The following CHM variants were observed in gnomAD, a reference collection of about 807,000 sequenced individuals.
The protein encoded by CHM is CHM Rab escort protein, also known as rab proteins geranylgeranyltransferase component A 1.
Under a neutral mutation model 49.0 loss-of-function variants are expected in CHM, and 10 were observed. The ratio of observed to expected loss-of-function variants is 0.20; its 90% confidence interval spans 0.13 to 0.35. The LOEUF is 0.35. CHM is among the 10% of genes least tolerant of loss of function. The pLI, the probability that CHM is intolerant of heterozygous loss-of-function variation, is 1.00. For synonymous variants in CHM, 184 were observed against 167.5 expected (o/e 1.10, Z -0.76); for missense variants, 455 against 478.4 (o/e 0.95, Z 0.46).
At chrX:85,965,173 ATT>A (rs780252687) in intron 4 of CHM, among the ~76,000 whole-genome samples, 12 of 112,223 alleles carry the variant, frequency 1.1e-4, no homozygotes, top group African/African-American at 3.9e-4. Context: ...GGTTCATATC[ATT>A]TGTTTCTTCT....
Position 86,026,102 on chromosome X carries a change from C to CTTTTTTTTTTTTTTTTTTTTTTT in CHM, c.116+1366_116+1388dup, listed in dbSNP as rs1167691945. Among the ~76,000 whole-genome samples, 8 of 26,761 alleles carry CTTTTTTTTTTTTTTTTTTTTTTT rather than the reference C, an allele frequency of 3.0e-4. 3 individuals carry two copies. The highest frequency in any genetic ancestry group is 1.8e-3 in the East Asian group (1 of 559). The allele number at this position is 26,761 out of a possible 115,157, so 23.2% of individuals were successfully genotyped here. A position where few individuals can be genotyped will look rare whatever the true frequency, so the allele number is the denominator to read the frequency against. On this transcript the variant is annotated intron_variant, in intron 2 of 14. Transcript: ENST00000357749. ...CTGGGCTTTCAAGGTAGCAGATTTTCTTTTTTTTTTTTTTTTTTTTTTTTT... is the reference window on the plus strand; with the variant it reads ...CTGGGCTTTCAAGGTAGCAGATTTTCTTTTTTTTTTTTTTTTTTTTTTTTTTTTTTTTTTTTTTTTTTTTTTTT...
intron 11 of CHM, among the ~76,000 whole-genome samples, chrX:85,899,805 A>G (rs778043101): frequency 9.2e-6 from 1 of 108,874 alleles, no homozygotes; most frequent in South Asian, 4.1e-4. Context: ...TGATTTATAC[A>G]TATTACCATG....
intron 11 of CHM, among the ~76,000 whole-genome samples, chrX:85,897,438 T>C (rs1925969079): frequency 1.1e-5 from 1 of 92,899 alleles, no homozygotes. Flanking sequence ...TGTGTGTGCG[T>C]GTACAAGAGC....
intron 4 of CHM, among the ~76,000 whole-genome samples, chrX:85,965,693 A>G (rs1930545706): frequency 8.9e-6 from 1 of 112,075 alleles, no homozygotes; most frequent in Non-Finnish European, 1.9e-5. Context: ...AAAATAACAC[A>G]ATGAACACTA....
chrX:85,872,575 G>A (rs191982138), intron 14 of CHM, among the ~76,000 whole-genome samples: 168 of 111,558 alleles, frequency 1.5e-3, no homozygotes, highest in African/African-American at 5.0e-3. Context: ...GTAAAACTAC[G>A]CTATAACTTA....
chrX:86,007,028 A>G (rs1031123722), intron 2 of CHM, among the ~76,000 whole-genome samples: 1 of 111,998 alleles, frequency 8.9e-6, no homozygotes, highest in Non-Finnish European at 1.9e-5. Context: ...GGCTACAGTA[A>G]CCAAAACAGC....
At chrX:85,873,359 T>C (rs1340536130) in intron 13 of CHM, 147 bp from the exon 14 acceptor site, 1 of 437,468 alleles carries the variant, frequency 2.3e-6, no homozygotes, top group Non-Finnish European at 3.9e-6. Flanking sequence ...AATTTGCATC[T>C]ACACACTCTA....
At position 86,021,000 on chromosome X, in the gene CHM, G is replaced by GTA. The variant is rs1213398980; in HGVS notation, c.116+6489_116+6490dup. Among the ~76,000 whole-genome samples the GTA allele has an allele frequency of 2.3e-3, 223 of 95,460 alleles. 1 individual carries two copies. The Middle Eastern group carries it at 0.027, about 11-fold the overall frequency. 82.9% of individuals were successfully genotyped at this position (95,460 alleles called of 115,157 possible). ...ATATACATCTGAATCCCAGATGTGT[G>GTA]TATATATATATATTTACACATATAT... On this transcript the variant is annotated intron_variant, in intron 2 of 14. Transcript: ENST00000357749.
intron 4 of CHM, chrX:85,970,156 C>G (rs1476069152): frequency 2.8e-6 from 1 of 352,916 alleles, no homozygotes; most frequent in Non-Finnish European, 3.6e-6. Flanking sequence ...CTAATTTGAT[C>G]ATTCTACAAT....
chrX:85,931,577 C>T (rs1379820030), intron 8 of CHM, among the ~76,000 whole-genome samples: 1 of 111,501 alleles, frequency 9.0e-6, no homozygotes, highest in Non-Finnish European at 1.9e-5. Flanking sequence ...AGCTATCACT[C>T]CTAGATGATT....
At chrX:85,967,494 T>A (rs939972365) in intron 4 of CHM, among the ~76,000 whole-genome samples, 7 of 111,764 alleles carry the variant, frequency 6.3e-5, no homozygotes, top group African/African-American at 2.3e-4. Context: ...GGTTACGTCC[T>A]GATAAACCCA....
In CHM at chrX:85,984,454, T is replaced by C. The variant is rs1256022989; in HGVS notation, c.117-2645A>G. Reference sequence around the variant, plus strand: ...GTAGCCACCAAAATAATTAAAAAGATTGTCAATACCTGGTATTGATGTGGA... The same window carrying C: ...GTAGCCACCAAAATAATTAAAAAGACTGTCAATACCTGGTATTGATGTGGA... On this transcript the variant is annotated intron_variant, in intron 2 of 14. Coordinates refer to ENST00000357749, the MANE Select transcript of CHM (RefSeq NM_000390.4). Among the ~76,000 whole-genome samples, 3 of 111,234 alleles carry C rather than the reference T, an allele frequency of 2.7e-5. No individual in the cohort carries two copies. The South Asian group carries it at 1.2e-3, about 43-fold the overall frequency.
chrX:86,017,357 C>T (rs1933345745), intron 2 of CHM, among the ~76,000 whole-genome samples: 1 of 111,639 alleles, frequency 9.0e-6, no homozygotes, highest in Non-Finnish European at 1.9e-5. Context: ...TCTGTGTCCC[C>T]ACCCAAATCT....
At chrX:85,969,608 G>C in intron 4 of CHM, 1 of 126,916 alleles carries the variant, frequency 7.9e-6, no homozygotes, top group Non-Finnish European at 1.5e-5. Flanking sequence ...CTCACTACTG[G>C]GTATATAGCC....
At chrX:85,912,037 T>C (rs1927060417) in intron 8 of CHM, among the ~76,000 whole-genome samples, 2 of 80,270 alleles carry the variant, frequency 2.5e-5, no homozygotes, top group South Asian at 1.6e-3. Flanking sequence ...GAAATCCACG[T>C]ACAAAAAGAG....
In CHM at chrX:85,958,876, T is replaced by G; in HGVS notation, c.804A>C (p.Glu268Asp). 1.7e-6 allele frequency: 2 copies of G among 1,211,600 alleles called. No individual in the cohort carries two copies. Among genetic ancestry groups the G allele is most frequent in the South Asian group, 1.8e-5 (1 of 56,983 alleles). ...AGCACAGTACCTGTTCCACTCGTCCTTCTCGAAATGCAAGAATCCTGGTAA... is the reference window on the plus strand; with the variant it reads ...AGCACAGTACCTGTTCCACTCGTCCGTCTCGAAATGCAAGAATCCTGGTAA... ...KNITRILAFR[E>D]GRVEQVPCSR... The change falls in exon 6 of 15, where the codon GAA becomes GAC. Residue 268 changes from glutamate to aspartate, a missense_variant. Coordinates refer to ENST00000357749, the MANE Select transcript of CHM (RefSeq NM_000390.4).
chrX:85,973,373 T>C (rs2051541582), intron 4 of CHM, among the ~76,000 whole-genome samples: 1 of 90,065 alleles, frequency 1.1e-5, no homozygotes, highest in African/African-American at 4.2e-5. Flanking sequence ...TACCCTAATA[T>C]ACACCAACTC....
At chrX:85,968,413 T>C (rs1930691014) in intron 4 of CHM, among the ~76,000 whole-genome samples, 1 of 112,154 alleles carries the variant, frequency 8.9e-6, no homozygotes, top group African/African-American at 3.2e-5. Context: ...GTTGGTTGTC[T>C]ACTCAACAAC....
intron 2 of CHM, among the ~76,000 whole-genome samples, chrX:86,021,157 T>TATATATAC (rs1174140484): frequency 7.0e-4 from 36 of 51,115 alleles, no homozygotes; most frequent in South Asian, 1.5e-3. Context: ...TATATATATA[T>TATATATAC]ACACGTATAT....
Sources: allele counts gnomAD v4.1 joint callset (sites outside exome capture counted in the v4.1 genomes callset), GRCh38; gene constraint gnomAD v4.1.1; transcripts MANE v1.5; gene names NCBI Gene and HGNC (gene_info 2026-07-23, HGNC 2026-07-21).